Variants in DEPDC1B observed in about 807,000 individuals in gnomAD.
DEPDC1B encodes DEP domain containing 1B.
In DEPDC1B, 51 loss-of-function variants were observed where a neutral mutation model predicts 66.5. The observed-to-expected ratio is 0.77, with a 90% confidence interval of 0.61 to 0.97. DEPDC1B has a LOEUF of 0.97. DEPDC1B is among the 50% of genes least tolerant of loss of function. DEPDC1B has a pLI of 0.00. For missense variants in DEPDC1B, 552 were observed against 637.1 expected, an observed-to-expected ratio of 0.87 and a Z score of 1.44; for synonymous variants, 226 against 223.6, an observed-to-expected ratio of 1.01 and a Z score of -0.10.
intron 1 of DEPDC1B, among the ~76,000 whole-genome samples, chr5:60,697,655 A>G (rs1033117481): frequency 1.3e-5 from 2 of 152,218 alleles, no homozygotes; most frequent in African/African-American, 2.4e-5. Flanking sequence ...TTTGAAAAAA[A>G]AAATTGGCTA....
intron 2 of DEPDC1B, among the ~76,000 whole-genome samples, chr5:60,676,166 G>A (rs1301218596): frequency 1.3e-5 from 2 of 151,438 alleles, no homozygotes; most frequent in Non-Finnish European, 2.9e-5. Context: ...TCCTGACCTC[G>A]TGATCTGCCC....
chr5:60,614,870 A>C (rs532223815), intron 7 of DEPDC1B, among the ~76,000 whole-genome samples: 2 of 152,296 alleles, frequency 1.3e-5, no homozygotes, highest in South Asian at 4.1e-4. Context: ...ACATGCCTGT[A>C]ATTCCAGCTA....
intron 7 of DEPDC1B, among the ~76,000 whole-genome samples, chr5:60,620,644 G>A (rs1466507630): frequency 2.6e-5 from 4 of 152,092 alleles, no homozygotes; most frequent in Non-Finnish European, 4.4e-5. Flanking sequence ...GAAACAACAG[G>A]TGCTGGAGAG....
chr5:60,681,449 T>A (rs978462455), intron 2 of DEPDC1B, among the ~76,000 whole-genome samples: 3 of 151,874 alleles, frequency 2.0e-5, no homozygotes, highest in Admixed American at 6.6e-5. Flanking sequence ...ATACCCAAAA[T>A]CAAAGGGAAG....
At position 60,687,158 on chromosome 5, in the gene DEPDC1B, A is replaced by G; in HGVS notation, c.118T>C (p.Tyr40His). The part of the protein sequence containing the change: ...LRKHRCRFKS[Y>H]EHCFTAAEAV... ...TCGGCCGCTGTGAAACAATGCTCATAGCTCTTGAAACGACAGCGATGTTTC... is the reference window on the plus strand; with the variant it reads ...TCGGCCGCTGTGAAACAATGCTCATGGCTCTTGAAACGACAGCGATGTTTC... Residue 40 changes from tyrosine (Y) to histidine (H), a missense_variant, in exon 2 of 11, where the codon TAT (tyrosine) becomes CAT (histidine). Physicochemically the swap from Tyr to His is moderately conservative, Grantham distance 83. Transcript: ENST00000265036. 1 of 1,614,176 alleles carries G rather than the reference A, an allele frequency of 6.2e-7. No individual in the cohort carries two copies. The highest frequency in any genetic ancestry group is 1.1e-5 in the South Asian group (1 of 91,084).
intron 2 of DEPDC1B, among the ~76,000 whole-genome samples, chr5:60,674,123 T>TA (rs879496977): frequency 0.024 from 3,469 of 145,240 alleles, 105 homozygotes; most frequent in African/African-American, 0.068. Context: ...GTAAGGATAT[T>TA]AAAAAAAAAA....
At chr5:60,607,109 AG>A (rs1752326440) in intron 7 of DEPDC1B, among the ~76,000 whole-genome samples, 1 of 152,236 alleles carries the variant, frequency 6.6e-6, no homozygotes, top group African/African-American at 2.4e-5. Context: ...AAGCAATGCA[AG>A]AAATATCTGC....
chr5:60,679,833 T>G (rs1249552273), intron 2 of DEPDC1B, among the ~76,000 whole-genome samples: 1 of 152,238 alleles, frequency 6.6e-6, no homozygotes, highest in African/African-American at 2.4e-5. Context: ...TAATATACAT[T>G]TTTATTTGTA....
chr5:60,605,849 T>C lies in DEPDC1B; in HGVS notation c.906A>G (p.Leu302=). The C allele has an allele frequency of 1.2e-6, 2 of 1,607,660 alleles. No individual in the cohort carries two copies. The highest frequency in any genetic ancestry group is 8.5e-7 in the Non-Finnish European group (1 of 1,177,962). The change falls in exon 8 of 11, where the codon TTA becomes TTG. Residue 302 remains leucine (L), a synonymous_variant. Transcript: ENST00000265036. ...CTTCAACTGCCACTTTCTCCTTCTG[T>C]AACAAACCTGATTTAGAAAAAAAAA... ...FDAFVSVLGL[L]QKEKVAVEAF... is the part of the protein sequence containing the mutation.
At chr5:60,684,484 C>CAT (rs1301777397) in intron 2 of DEPDC1B, among the ~76,000 whole-genome samples, 1 of 152,080 alleles carries the variant, frequency 6.6e-6, no homozygotes, top group African/African-American at 2.4e-5. Context: ...ATGCCAAGAA[C>CAT]ATATATTGGG....
At chr5:60,699,960 C>T in intron 1 of DEPDC1B, 86 bp downstream of exon 1, 1 of 1,493,732 alleles carries the variant, frequency 6.7e-7, no homozygotes, top group East Asian at 2.5e-5. Flanking sequence ...CCTGCGGAAG[C>T]GAAGACTGAC....
At chr5:60,647,101 C>T (rs2111886919) in intron 3 of DEPDC1B, among the ~76,000 whole-genome samples, 1 of 152,014 alleles carries the variant, frequency 6.6e-6, no homozygotes, top group South Asian at 2.1e-4. Context: ...CCACCCCCAC[C>T]CCAGCAGCCC....
At chr5:60,691,200 T>C (rs991628498) in intron 1 of DEPDC1B, among the ~76,000 whole-genome samples, 1 of 152,036 alleles carries the variant, frequency 6.6e-6, no homozygotes, top group Non-Finnish European at 1.5e-5. Flanking sequence ...GTTACAGGCA[T>C]GCGCCACCAC....
Position 60,634,302 on chromosome 5 carries a change from T to G in DEPDC1B, c.898+4448A>C, listed in dbSNP as rs369623514. On this transcript the variant is annotated intron_variant, in intron 7 of 10. Transcript: ENST00000265036. ...GTCAGACACATACAGCAGACTTCCT[T>G]TGCAACCACTTGCTGACCATACATT... Among the ~76,000 whole-genome samples, 9 of 152,224 alleles carry G rather than the reference T, an allele frequency of 5.9e-5. No homozygotes were observed. In the East Asian group the frequency reaches 1.7e-3, roughly 29 times the overall value.
intron 2 of DEPDC1B, among the ~76,000 whole-genome samples, chr5:60,679,157 C>T (rs1215213983): frequency 1.3e-5 from 2 of 152,078 alleles, no homozygotes; most frequent in Admixed American, 6.6e-5. Context: ...AAATACTCAT[C>T]TTTTCCCATT....
intron 2 of DEPDC1B, among the ~76,000 whole-genome samples, chr5:60,657,366 T>A (rs1437042702): frequency 6.6e-6 from 1 of 152,228 alleles, no homozygotes; most frequent in African/African-American, 2.4e-5. Context: ...TGTTGTTTTT[T>A]TTCACTGTTT....
chr5:60,646,823 T>C (rs1007923512), intron 3 of DEPDC1B, among the ~76,000 whole-genome samples: 4 of 152,130 alleles, frequency 2.6e-5, no homozygotes, highest in African/African-American at 9.7e-5. Context: ...CATTAGATTC[T>C]CATAGGAGCG....
chr5:60,598,496 A>T (rs1411780609), intron 10 of DEPDC1B, among the ~76,000 whole-genome samples: 1 of 152,208 alleles, frequency 6.6e-6, no homozygotes, highest in Non-Finnish European at 1.5e-5. Context: ...GTCTTTAAAA[A>T]CAAAAACCAC....
chr5:60,672,036 TA>T (rs1489728109), intron 2 of DEPDC1B, among the ~76,000 whole-genome samples: 1 of 152,254 alleles, frequency 6.6e-6, no homozygotes, highest in Non-Finnish European at 1.5e-5. Context: ...GCTTTCTCCC[TA>T]CAACTGCAGT....
Sources: gnomAD v4.1 joint callset for allele counts (sites outside exome capture counted in the v4.1 genomes callset) on GRCh38, gnomAD v4.1.1 for gene constraint, MANE v1.5 for transcripts, NCBI Gene and HGNC (gene_info 2026-07-23, HGNC 2026-07-21) for gene names.